AK5: variants seen among roughly 807,000 people sequenced by gnomAD.
AK5 encodes adenylate kinase 5.
In AK5, 27 loss-of-function variants were observed where a neutral mutation model predicts 69.5. That is an observed-to-expected ratio of 0.39 (90% confidence interval 0.29 to 0.54). The LOEUF (loss-of-function observed/expected upper bound fraction) is 0.54. Among genes scored for constraint, AK5 ranks in the 20% least tolerant of loss-of-function variants. The pLI, the probability that AK5 is intolerant of heterozygous loss-of-function variation, is 0.71. For missense variants in AK5, 531 were observed against 700.4 expected (o/e 0.76, Z 2.73); for synonymous variants, 260 against 244.4 (o/e 1.06, Z -0.60).
At chr1:77,406,032 C>A (rs1033252916) in intron 6 of AK5, among the ~76,000 whole-genome samples, 1 of 152,094 alleles carries the variant, frequency 6.6e-6, no homozygotes, top group African/African-American at 2.4e-5. Context: ...GTGCTGCTGC[C>A]CATCCCTCAA....
chr1:77,363,433 C>G (rs72679558), intron 6 of AK5, among the ~76,000 whole-genome samples: 10,076 of 152,204 alleles, frequency 0.066, 498 homozygotes, highest in East Asian at 0.23. Flanking sequence ...CTCTTGCAGT[C>G]TAGTCACATA....
At chr1:77,527,664 T>A (rs1316791324) in intron 12 of AK5, among the ~76,000 whole-genome samples, 1 of 152,248 alleles carries the variant, frequency 6.6e-6, no homozygotes, top group Non-Finnish European at 1.5e-5. Context: ...AAGAGTGACA[T>A]TGATTTGTCC....
At chr1:77,475,814 T>G (rs1298974482) in intron 8 of AK5, among the ~76,000 whole-genome samples, 2 of 151,986 alleles carry the variant, frequency 1.3e-5, no homozygotes, top group Non-Finnish European at 2.9e-5. Context: ...GCCCCTTCCT[T>G]TAAACCACCA....
chr1:77,343,317 GT>G (rs1661754073), intron 6 of AK5, among the ~76,000 whole-genome samples: 1 of 152,126 alleles, frequency 6.6e-6, no homozygotes, highest in Admixed American at 6.5e-5. Context: ...GAAACTTCAT[GT>G]TAGTACCCCT....
In AK5 at chr1:77,513,212, C is replaced by T. The variant is rs191406266; in HGVS notation, c.1148-5352C>T. 4.6e-5 allele frequency among the ~76,000 whole-genome samples: 7 copies of T among 152,278 alleles called. No individual in the cohort carries two copies. The East Asian group carries it at 5.8e-4, about 13-fold the overall frequency. ...CCAGGCTCAGCCTTATGCCATCTTT[C>T]CCACACTTTCCTTGTGCTGGCAAAG... On this transcript the variant is annotated intron_variant, in intron 10 of 13. Coordinates refer to ENST00000354567, the MANE Select transcript of AK5 (RefSeq NM_174858.3).
intron 6 of AK5, among the ~76,000 whole-genome samples, chr1:77,348,761 A>C (rs1320195771): frequency 6.6e-6 from 1 of 152,196 alleles, no homozygotes. Flanking sequence ...ACACACCCAC[A>C]CACACACACA....
At chr1:77,330,625 A>T (rs1661042480) in intron 5 of AK5, among the ~76,000 whole-genome samples, 1 of 152,184 alleles carries the variant, frequency 6.6e-6, no homozygotes, top group African/African-American at 2.4e-5. Flanking sequence ...TTACAGCAAT[A>T]CCACACTATC....
At chr1:77,464,952 T>A (rs1654050692) in intron 8 of AK5, among the ~76,000 whole-genome samples, 1 of 152,148 alleles carries the variant, frequency 6.6e-6, no homozygotes, top group South Asian at 2.1e-4. Flanking sequence ...AGAATTAAAT[T>A]CTGATGGCAG....
rs1032420527 is a variant in AK5, at chr1:77,377,926, A to T, written c.892-33055A>T. Among the ~76,000 whole-genome samples, 4 of 152,206 alleles carry T rather than the reference A, an allele frequency of 2.6e-5. No individual in the cohort carries two copies. In the East Asian group the frequency reaches 5.8e-4, roughly 22 times the overall value. On this transcript the variant is annotated intron_variant, in intron 6 of 13. Transcript: ENST00000354567. ...TAACTTGAATATCACAATCTCTATG[A>T]AACTTTTCTCCTTTGTGTTCCTATA... is the stretch of plus-strand genomic sequence containing the variant.
chr1:77,287,171 A>G lies in AK5; in HGVS notation c.247+44A>G, dbSNP rs749226134. 41 of 1,352,950 alleles carry G rather than the reference A, an allele frequency of 3.0e-5. 1 individual carries two copies. The highest frequency in any genetic ancestry group is 1.8e-5 in the Non-Finnish European group (18 of 1,027,838). The allele number at this position is 1,352,950 out of a possible 1,614,324, so 83.8% of individuals were successfully genotyped here. A position where few individuals can be genotyped will look rare whatever the true frequency, so the allele number is the denominator to read the frequency against. Reference sequence around the variant, plus strand: ...AATAGACAGTTTTATAGTTATAGCAATTCTCTTTAAAACATGCCATATAGA... The same window carrying G: ...AATAGACAGTTTTATAGTTATAGCAGTTCTCTTTAAAACATGCCATATAGA... On this transcript the variant is annotated intron_variant, in intron 2 of 13. Coordinates refer to ENST00000354567, the MANE Select transcript of AK5 (RefSeq NM_174858.3).
intron 8 of AK5, among the ~76,000 whole-genome samples, chr1:77,427,405 A>G (rs551388986): frequency 8.5e-5 from 13 of 152,270 alleles, no homozygotes; most frequent in African/African-American, 1.9e-4. Context: ...AAATGGACCA[A>G]TTCTTTGAAA....
chr1:77,431,565 T>C (rs1401768851), intron 8 of AK5, among the ~76,000 whole-genome samples: 3 of 152,126 alleles, frequency 2.0e-5, no homozygotes, highest in Non-Finnish European at 4.4e-5. Flanking sequence ...AGAGAACAAT[T>C]AGGAGCCAAC....
chr1:77,397,324 T>C (rs1648898014), intron 6 of AK5, among the ~76,000 whole-genome samples: 1 of 152,086 alleles, frequency 6.6e-6, no homozygotes, highest in Non-Finnish European at 1.5e-5. Context: ...CACACCTCCA[T>C]CACAGCCCTT....
chr1:77,443,699 G>GTGTGTA lies in AK5; in HGVS notation c.1059+25989_1059+25990insATGTGT, dbSNP rs1325802638. ...AGTCTGTGTGTGTGTGTGTGTGTGT[G>GTGTGTA]TGTGTGTGTGTGTGTGTGTGTGTGT... On this transcript the variant is annotated intron_variant, in intron 8 of 13. Coordinates refer to ENST00000354567, the MANE Select transcript of AK5 (RefSeq NM_174858.3). Among the ~76,000 whole-genome samples the GTGTGTA allele has an allele frequency of 9.2e-3, 1,391 of 151,338 alleles. 14 individuals are homozygous for GTGTGTA. The highest frequency in any genetic ancestry group is 0.025 in the African/African-American group (1,049 of 41,220).
At chr1:77,471,440 T>C (rs1334950799) in intron 8 of AK5, among the ~76,000 whole-genome samples, 1 of 152,250 alleles carries the variant, frequency 6.6e-6, no homozygotes, top group Non-Finnish European at 1.5e-5. Context: ...ATTCAGGGTT[T>C]ATAGTGCACT....
intron 8 of AK5, among the ~76,000 whole-genome samples, chr1:77,453,635 G>A (rs1451651445): frequency 6.6e-6 from 1 of 152,164 alleles, no homozygotes; most frequent in Non-Finnish European, 1.5e-5. Context: ...AACAGCAGGG[G>A]AGAAAGTGAG....
In AK5 at chr1:77,334,082, A is replaced by G. The variant is rs543485470; in HGVS notation, c.700-6295A>G. Among the ~76,000 whole-genome samples the G allele has an allele frequency of 1.2e-4, 18 of 152,128 alleles. No homozygotes were observed. The East Asian group carries it at 2.5e-3, about 21-fold the overall frequency. ...CTTCTGGGCCAACTTTCTATCCTGG[A>G]TCATTTTTCTTCTACCTAAAGAATA... On this transcript the variant is annotated intron_variant, in intron 5 of 13. Coordinates refer to ENST00000354567, the MANE Select transcript of AK5 (RefSeq NM_174858.3).
At chr1:77,342,294 T>A (rs1661697118) in intron 6 of AK5, among the ~76,000 whole-genome samples, 1 of 152,226 alleles carries the variant, frequency 6.6e-6, no homozygotes, top group Non-Finnish European at 1.5e-5. Flanking sequence ...ATTTAATTGA[T>A]GTTTGTAAGG....
At chr1:77,488,696 A>G (rs1250311539) in intron 10 of AK5, among the ~76,000 whole-genome samples, 2 of 152,166 alleles carry the variant, frequency 1.3e-5, no homozygotes, top group Non-Finnish European at 2.9e-5. Context: ...GCATGGGGGA[A>G]ACATGCAGGC....
Sources: gnomAD v4.1 joint callset for allele counts (sites outside exome capture counted in the v4.1 genomes callset) on GRCh38, gnomAD v4.1.1 for gene constraint, MANE v1.5 for transcripts, NCBI Gene and HGNC (gene_info 2026-07-23, HGNC 2026-07-21) for gene names.